The following HMBOX1 variants were observed in gnomAD, a reference collection of about 807,000 sequenced individuals.
HMBOX1 encodes the protein homeobox containing 1, also known as homeobox-containing protein 1.
HMBOX1 carries 14 observed loss-of-function variants against 54.5 expected under a neutral mutation model. That is an observed-to-expected ratio of 0.26 (90% CI 0.17 to 0.40). The LOEUF is 0.40. Among genes scored for constraint, HMBOX1 ranks in the 10% least tolerant of loss-of-function variants. HMBOX1 has a pLI of 1.00. For missense variants in HMBOX1, 332 were observed against 514.4 expected (o/e 0.65, Z 3.43); for synonymous variants, 160 against 181.0 (o/e 0.88, Z 0.93).
intron 8 of HMBOX1, 52 bp from the exon 9 acceptor site, chr8:29,048,902 C>A: frequency 8.4e-7 from 1 of 1,185,758 alleles, no homozygotes. Context: ...AGTGTTTCAG[C>A]CATTGTGATA....
intron 9 of HMBOX1, 40 bp from the exon 10 acceptor site, chr8:29,050,978 T>TC (rs1213769965): frequency 6.3e-7 from 1 of 1,592,950 alleles, no homozygotes; most frequent in South Asian, 1.1e-5. Flanking sequence ...AAAGAATTCT[T>TC]CCAATCCACT....
At chr8:28,976,810 G>A (rs1284683361) in intron 3 of HMBOX1, among the ~76,000 whole-genome samples, 1 of 150,750 alleles carries the variant, frequency 6.6e-6, no homozygotes, top group Non-Finnish European at 1.5e-5. Context: ...GGGTTCAAGC[G>A]ATTCTCCTGC....
At chr8:29,008,847 C>G (rs1833829906) in intron 4 of HMBOX1, among the ~76,000 whole-genome samples, 1 of 152,116 alleles carries the variant, frequency 6.6e-6, no homozygotes, top group Non-Finnish European at 1.5e-5. Context: ...ATTGTCGGGT[C>G]TTAATTAATA....
intron 6 of HMBOX1, among the ~76,000 whole-genome samples, chr8:29,044,643 A>G (rs1805315042): frequency 6.6e-6 from 1 of 152,188 alleles, no homozygotes; most frequent in South Asian, 2.1e-4. Flanking sequence ...TTACGTACAC[A>G]TAGGAATTTT....
intron 1 of HMBOX1, among the ~76,000 whole-genome samples, chr8:28,917,121 A>G (rs1449002213): frequency 6.6e-6 from 1 of 151,826 alleles, no homozygotes; most frequent in African/African-American, 2.4e-5. Flanking sequence ...AAGATCTTCT[A>G]GAATTTTTAT....
intron 4 of HMBOX1, among the ~76,000 whole-genome samples, chr8:28,991,726 G>C (rs368528175): frequency 6.6e-6 from 1 of 151,956 alleles, no homozygotes; most frequent in South Asian, 2.1e-4. Flanking sequence ...TTGCTTCCAA[G>C]CCCTTCCATT....
At position 29,049,013 on chromosome 8, in the gene HMBOX1, A is replaced by G; in HGVS notation, c.1090A>G (p.Ser364Gly). The G allele has an allele frequency of 1.2e-6, 2 of 1,614,048 alleles. No individual in the cohort carries two copies. The highest frequency in any genetic ancestry group is 2.2e-5 in the East Asian group (1 of 44,880). ...DVQSPGGHSN[S>G]DDVDGNDYSE... is the part of the protein sequence containing the mutation. ...GCAGAGTCCAGGAGGCCACTCAAAC[A>G]GTGATGATGTCGACGGGAATGACTA... Residue 364 changes from serine (S) to glycine (G), a missense_variant, in exon 9 of 10, where the codon AGT (serine) becomes GGT (glycine). Transcript: ENST00000287701.
chr8:28,916,418 G>T (rs1816557919), intron 1 of HMBOX1, among the ~76,000 whole-genome samples: 1 of 152,102 alleles, frequency 6.6e-6, no homozygotes. Flanking sequence ...CCTGTGTTTT[G>T]TTCTAGAAGT....
chr8:28,904,753 G>T (rs1046162327), intron 1 of HMBOX1, among the ~76,000 whole-genome samples: 2 of 150,814 alleles, frequency 1.3e-5, no homozygotes, highest in African/African-American at 4.9e-5. Context: ...CTTGCTCACT[G>T]CAAGCTCTGC....
chr8:28,895,589 C>T (rs1350363073), intron 1 of HMBOX1, among the ~76,000 whole-genome samples: 2 of 151,630 alleles, frequency 1.3e-5, no homozygotes, highest in South Asian at 2.1e-4. Flanking sequence ...GCAGGAGAAT[C>T]GCTTGAACCT....
At chr8:28,989,907 C>T (rs1830730742) in intron 4 of HMBOX1, among the ~76,000 whole-genome samples, 1 of 151,988 alleles carries the variant, frequency 6.6e-6, no homozygotes, top group Non-Finnish European at 1.5e-5. Context: ...TTTCAGTGTA[C>T]ACGTTTTGTA....
intron 5 of HMBOX1, chr8:29,009,533 T>C (rs1460384645): frequency 4.7e-6 from 4 of 852,014 alleles, no homozygotes; most frequent in Non-Finnish European, 5.6e-6. Flanking sequence ...CTTTTTTTTT[T>C]TTTTTTTTTT....
chr8:28,969,564 G>A (rs1827042300), intron 2 of HMBOX1, among the ~76,000 whole-genome samples: 1 of 152,092 alleles, frequency 6.6e-6, no homozygotes, highest in South Asian at 2.1e-4. Context: ...CTCACTAAAT[G>A]AGGTTGTAGA....
rs1166310327 is a variant in HMBOX1, at chr8:28,960,783, T to G, written c.-57-3028T>G. ...TCTTTTTCTTTTTTTTTTTTTTTTTTTTTTTTTTTTTTTTTTTTTTTGGAG... is the reference window on the plus strand; with the variant it reads ...TCTTTTTCTTTTTTTTTTTTTTTTTGTTTTTTTTTTTTTTTTTTTTTGGAG... On this transcript the variant is annotated intron_variant, in intron 1 of 9. Coordinates refer to ENST00000287701, the MANE Select transcript of HMBOX1 (RefSeq NM_001135726.3). 2.3e-3 allele frequency among the ~76,000 whole-genome samples: 167 copies of G among 71,132 alleles called. 7 individuals are homozygous for G. Among genetic ancestry groups the G allele is most frequent in the African/African-American group, 7.6e-3 (149 of 19,630 alleles). 46.7% of individuals were successfully genotyped at this position (71,132 alleles called of 152,430 possible). A position where few individuals can be genotyped will look rare whatever the true frequency, so the allele number is the denominator to read the frequency against.
At chr8:28,986,524 T>C (rs902838176) in intron 4 of HMBOX1, among the ~76,000 whole-genome samples, 1 of 152,234 alleles carries the variant, frequency 6.6e-6, no homozygotes, top group African/African-American at 2.4e-5. Flanking sequence ...ACCAGTTTTA[T>C]GTGGATCTCC....
chr8:29,012,553 C>G (rs1834353559), intron 5 of HMBOX1, among the ~76,000 whole-genome samples: 1 of 152,206 alleles, frequency 6.6e-6, no homozygotes, highest in Admixed American at 6.5e-5. Context: ...CACACATACA[C>G]ATGTATATGC....
intron 4 of HMBOX1, among the ~76,000 whole-genome samples, chr8:29,000,333 C>T (rs75495762): frequency 0.034 from 5,207 of 152,272 alleles, 314 homozygotes; most frequent in African/African-American, 0.12. Flanking sequence ...GTGAGAGCTT[C>T]GAGCCTTCAC....
intron 1 of HMBOX1, among the ~76,000 whole-genome samples, chr8:28,960,816 C>T (rs186267268): frequency 0.015 from 1,603 of 107,456 alleles, 25 homozygotes; most frequent in African/African-American, 0.04. Flanking sequence ...GAGACGGAGT[C>T]TTGCTCTGTC....
At chr8:29,002,644 CTT>C (rs1396057012) in intron 4 of HMBOX1, among the ~76,000 whole-genome samples, 32 of 152,254 alleles carry the variant, frequency 2.1e-4, no homozygotes, top group African/African-American at 7.7e-4. Context: ...TTAGTGGACT[CTT>C]TCGAGAACCT....
Sources: allele counts gnomAD v4.1 joint callset (sites outside exome capture counted in the v4.1 genomes callset), GRCh38; gene constraint gnomAD v4.1.1; transcripts MANE v1.5; gene names NCBI Gene and HGNC (gene_info 2026-07-23, HGNC 2026-07-21).